The following NDUFAF2 variants were observed in gnomAD, a reference collection of about 807,000 sequenced individuals.
The protein encoded by NDUFAF2 is NADH dehydrogenase [ubiquinone] 1 alpha subcomplex assembly factor 2.
Under a neutral mutation model 22.8 loss-of-function variants are expected in NDUFAF2, and 13 were observed. That is an observed-to-expected ratio of 0.57 (90% CI 0.37 to 0.91). NDUFAF2 has a LOEUF of 0.91. Among genes scored for constraint, NDUFAF2 ranks in the 40% least tolerant of loss-of-function variants. The pLI, the probability that NDUFAF2 is intolerant of heterozygous loss-of-function variation, is 0.01. For synonymous variants in NDUFAF2, 53 were observed against 64.2 expected (o/e 0.83, Z 0.84); for missense variants, 162 against 195.2 (o/e 0.83, Z 1.01).
intron 1 of NDUFAF2, among the ~76,000 whole-genome samples, chr5:60,969,988 C>T (rs942439890): frequency 6.6e-6 from 1 of 152,108 alleles, no homozygotes; most frequent in Non-Finnish European, 1.5e-5. Flanking sequence ...AATGTCATTT[C>T]CCCACTGTGT....
chr5:61,120,222 A>G (rs1229313847), intron 3 of NDUFAF2, among the ~76,000 whole-genome samples: 1 of 152,140 alleles, frequency 6.6e-6, no homozygotes, highest in African/African-American at 2.4e-5. Context: ...AATTTATCAT[A>G]CTTCTTTAGA....
intron 1 of NDUFAF2, among the ~76,000 whole-genome samples, chr5:60,986,759 T>C (rs1030463672): frequency 6.6e-6 from 1 of 151,790 alleles, no homozygotes; most frequent in Admixed American, 6.6e-5. Context: ...TGAAACCCCA[T>C]CTGTACTAAA....
intron 1 of NDUFAF2, among the ~76,000 whole-genome samples, chr5:61,062,093 G>T (rs1385647415): frequency 3.3e-5 from 5 of 152,138 alleles, no homozygotes; most frequent in Non-Finnish European, 7.4e-5. Flanking sequence ...GTAAAGTTTG[G>T]AAGAGGTGAC....
At chr5:61,124,285 ATGAT>A (rs1300833409) in intron 3 of NDUFAF2, among the ~76,000 whole-genome samples, 2 of 151,972 alleles carry the variant, frequency 1.3e-5, no homozygotes, top group Non-Finnish European at 2.9e-5. Context: ...TGTCTTTAAC[ATGAT>A]TGTTTATATA....
chr5:61,074,642 C>T (rs2111734106), intron 2 of NDUFAF2, among the ~76,000 whole-genome samples: 1 of 152,044 alleles, frequency 6.6e-6, no homozygotes, highest in East Asian at 1.9e-4. Context: ...GGCCTGTAAT[C>T]CCAGCTACTC....
At position 61,047,691 on chromosome 5, in the gene NDUFAF2, C is replaced by T. The variant is rs115204818; in HGVS notation, c.128-25434C>T. 8.5e-3 allele frequency among the ~76,000 whole-genome samples: 1,298 copies of T among 152,044 alleles called. 23 individuals are homozygous for T. Among genetic ancestry groups the T allele is most frequent in the African/African-American group, 0.028 (1,172 of 41,480 alleles). On this transcript the variant is annotated intron_variant, in intron 1 of 3. Transcript: ENST00000296597. ...TGTCTTTATCTGGTAGGATTATAAC[C>T]TGCCACAGAGCCCAAAAGTGAAAAA...
intron 3 of NDUFAF2, among the ~76,000 whole-genome samples, chr5:61,144,774 A>G (rs1303617992): frequency 6.6e-6 from 1 of 152,216 alleles, no homozygotes; most frequent in Non-Finnish European, 1.5e-5. Flanking sequence ...CTCAGATATT[A>G]GAGTGCATTT....
intron 1 of NDUFAF2, among the ~76,000 whole-genome samples, chr5:61,011,657 T>C (rs1751444034): frequency 6.6e-6 from 1 of 152,114 alleles, no homozygotes; most frequent in African/African-American, 2.4e-5. Context: ...AACAATTATG[T>C]GAGCCATCCA....
chr5:60,964,482 A>T (rs1190564782), intron 1 of NDUFAF2, among the ~76,000 whole-genome samples: 1 of 147,594 alleles, frequency 6.8e-6, no homozygotes, highest in Non-Finnish European at 1.5e-5. Flanking sequence ...ACCGAGTCTC[A>T]CTCTGTTGCC....
intron 3 of NDUFAF2, chr5:61,114,335 T>G (rs1190138375): frequency 5.9e-5 from 9 of 152,208 alleles, no homozygotes; most frequent in Admixed American, 5.2e-4. Context: ...CATTCTTCAG[T>G]ATGTCAATTG....
In NDUFAF2 at chr5:61,086,413, C is replaced by G. The variant is rs568852603; in HGVS notation, c.218-12579C>G. Among the ~76,000 whole-genome samples the G allele has an allele frequency of 5.3e-5, 8 of 152,164 alleles. No individual in the cohort carries two copies. The South Asian group carries it at 1.7e-3, about 32-fold the overall frequency. Reference sequence around the variant, plus strand: ...GAGAATTTAACTTAATATAAATCTACATTTATCAAGGTGGTTTGGTACTGA... The same window carrying G: ...GAGAATTTAACTTAATATAAATCTAGATTTATCAAGGTGGTTTGGTACTGA... On this transcript the variant is annotated intron_variant, in intron 2 of 3. Coordinates refer to ENST00000296597, the MANE Select transcript of NDUFAF2 (RefSeq NM_174889.5).
intron 1 of NDUFAF2, among the ~76,000 whole-genome samples, chr5:60,949,127 C>G (rs158917): frequency 0.018 from 2,747 of 152,158 alleles, 119 homozygotes; most frequent in Admixed American, 0.11. Context: ...ACATGTGATT[C>G]ATGTAACCAA....
chr5:61,005,352 G>C (rs1412845881), intron 1 of NDUFAF2, among the ~76,000 whole-genome samples: 4 of 152,066 alleles, frequency 2.6e-5, no homozygotes, highest in African/African-American at 9.7e-5. Flanking sequence ...GGACATTTGG[G>C]TTGGTTCCAA....
chr5:60,991,858 T>C (rs904019288), intron 1 of NDUFAF2, among the ~76,000 whole-genome samples: 4 of 152,198 alleles, frequency 2.6e-5, no homozygotes, highest in African/African-American at 9.6e-5. Context: ...TTTAGTTTTT[T>C]TGAGGAATCT....
rs185295189 is a variant in NDUFAF2, at chr5:60,991,614, T to C, written c.127+46232T>C. Among the ~76,000 whole-genome samples, 275 of 152,342 alleles carry C rather than the reference T, an allele frequency of 1.8e-3. 1 individual carries two copies. Among genetic ancestry groups the C allele is most frequent in the Non-Finnish European group, 2.5e-3 (173 of 68,034 alleles). On this transcript the variant is annotated intron_variant, in intron 1 of 3. Coordinates refer to ENST00000296597, the MANE Select transcript of NDUFAF2 (RefSeq NM_174889.5). ...ACATAGCAATCTCCAGTTCCATTCATGTTGTTGCAAATGACAGTATCACCT... is the reference window on the plus strand; with the variant it reads ...ACATAGCAATCTCCAGTTCCATTCACGTTGTTGCAAATGACAGTATCACCT...
chr5:61,142,455 T>C (rs1367113556), intron 3 of NDUFAF2, among the ~76,000 whole-genome samples: 1 of 152,130 alleles, frequency 6.6e-6, no homozygotes, highest in African/African-American at 2.4e-5. Flanking sequence ...ACAGGAATCA[T>C]TGAGATAGCC....
At chr5:61,078,815 A>G (rs757285219) in intron 2 of NDUFAF2, among the ~76,000 whole-genome samples, 7 of 152,158 alleles carry the variant, frequency 4.6e-5, no homozygotes, top group African/African-American at 7.2e-5. Context: ...ACTACTGGGC[A>G]ATGTTATAAA....
chr5:61,032,361 T>C (rs1053947821), intron 1 of NDUFAF2, among the ~76,000 whole-genome samples: 1 of 152,216 alleles, frequency 6.6e-6, no homozygotes, highest in Admixed American at 6.5e-5. Context: ...TGGTTTTAGG[T>C]CTTATGCTTA....
At position 61,049,534 on chromosome 5, in the gene NDUFAF2, C is replaced by T. The variant is rs554221406; in HGVS notation, c.128-23591C>T. On this transcript the variant is annotated intron_variant, in intron 1 of 3. Coordinates refer to ENST00000296597, the MANE Select transcript of NDUFAF2 (RefSeq NM_174889.5). ...TAAATATATTCACATTATTGTTCAA[C>T]CAATCTCCAGAACTCTTTTTATCTT... Among the ~76,000 whole-genome samples the T allele has an allele frequency of 2.0e-5, 3 of 152,198 alleles. No homozygotes were observed. The South Asian group carries it at 6.2e-4, about 32-fold the overall frequency.
Sources: allele counts gnomAD v4.1 joint callset (sites outside exome capture counted in the v4.1 genomes callset), GRCh38; gene constraint gnomAD v4.1.1; transcripts MANE v1.5; gene names NCBI Gene and HGNC (gene_info 2026-07-23, HGNC 2026-07-21).